RORA: variants seen among roughly 807,000 people sequenced by gnomAD.
RORA encodes RAR related orphan receptor A.
In RORA, 7 loss-of-function variants were observed where a neutral mutation model predicts 69.5. The observed-to-expected ratio is 0.10, with a 90% CI of 0.06 to 0.19. RORA has a LOEUF of 0.19. RORA is among the 10% of genes least tolerant of loss of function. The probability of loss-of-function intolerance (pLI) is 1.00; values close to 1 mark genes in which losing one functional copy is unlikely to be tolerated. For missense variants in RORA, 457 were observed against 663.0 expected, an observed-to-expected ratio of 0.69 and a Z score of 3.41; for synonymous variants, 261 against 240.8, an observed-to-expected ratio of 1.08 and a Z score of -0.78.
At chr15:60,725,323 T>A (rs2071343149) in intron 1 of RORA, among the ~76,000 whole-genome samples, 1 of 152,246 alleles carries the variant, frequency 6.6e-6, no homozygotes, top group African/African-American at 2.4e-5. Context: ...TTATTAATCA[T>A]GTGTAACTTA....
intron 1 of RORA, among the ~76,000 whole-genome samples, chr15:60,917,347 CT>C (rs1891906464): frequency 6.6e-6 from 1 of 152,148 alleles, no homozygotes; most frequent in Admixed American, 6.5e-5. Context: ...TTTAGTAGCC[CT>C]TTGGAATATA....
chr15:61,185,030 T>G (rs76214898), intron 1 of RORA, among the ~76,000 whole-genome samples: 2,666 of 144,480 alleles, frequency 0.018, 71 homozygotes, highest in African/African-American at 0.064. Context: ...GAAGAAGGAC[T>G]GTTACTTCTA....
intron 1 of RORA, among the ~76,000 whole-genome samples, chr15:60,763,096 T>TTTTTTTTTTTTTTTTTTTTTTTTA (rs375632043): frequency 2.7e-5 from 3 of 109,430 alleles, no homozygotes; most frequent in East Asian, 2.6e-4. Flanking sequence ...TTTTTTTTTT[T>TTTTTTTTTTTTTTTTTTTTTTTTA]AACCAACCTA....
intron 1 of RORA, among the ~76,000 whole-genome samples, chr15:61,037,890 T>G (rs73424325): frequency 0.013 from 1,956 of 152,270 alleles, 44 homozygotes; most frequent in African/African-American, 0.042. Context: ...AGAGCAGACA[T>G]AGCATGCCAT....
At chr15:61,136,644 A>G (rs186866423) in intron 1 of RORA, among the ~76,000 whole-genome samples, 35 of 152,304 alleles carry the variant, frequency 2.3e-4, no homozygotes, top group Admixed American at 9.8e-4. Flanking sequence ...CAGTCGAAAG[A>G]GCTGTCCTTC....
At chr15:60,620,373 C>A (rs1241626231) in intron 2 of RORA, among the ~76,000 whole-genome samples, 1 of 152,150 alleles carries the variant, frequency 6.6e-6, no homozygotes, top group East Asian at 1.9e-4. Context: ...AAATTGAAAT[C>A]ATAATAGAAC....
intron 1 of RORA, among the ~76,000 whole-genome samples, chr15:61,090,882 C>T (rs1010697379): frequency 1.3e-5 from 2 of 151,956 alleles, no homozygotes; most frequent in Non-Finnish European, 2.9e-5. Flanking sequence ...TTCACCACCT[C>T]GACACACGCA....
intron 2 of RORA, among the ~76,000 whole-genome samples, chr15:60,656,301 A>G (rs1004885999): frequency 6.6e-6 from 1 of 152,208 alleles, no homozygotes; most frequent in Non-Finnish European, 1.5e-5. Flanking sequence ...TGCAGCATGC[A>G]TATGTGTCTG....
intron 1 of RORA, among the ~76,000 whole-genome samples, chr15:61,047,849 TA>T (rs533904643): frequency 1.8e-4 from 27 of 152,316 alleles, no homozygotes; most frequent in African/African-American, 6.5e-4. Context: ...TCCCAGCTAT[TA>T]AAAGGGAGAT....
At chr15:61,185,961 C>A (rs750391313) in intron 1 of RORA, among the ~76,000 whole-genome samples, 1 of 152,156 alleles carries the variant, frequency 6.6e-6, no homozygotes, top group African/African-American at 2.4e-5. Flanking sequence ...ACATCCTTCA[C>A]CACCCAGCTC....
chr15:60,523,037 CA>C (rs1463114584), intron 3 of RORA, among the ~76,000 whole-genome samples: 3 of 80,240 alleles, frequency 3.7e-5, no homozygotes. Context: ...GACTCTGCCT[CA>C]AAAAAAAAAC....
chr15:60,808,702 T>G (rs2072695904), intron 1 of RORA, among the ~76,000 whole-genome samples: 1 of 149,204 alleles, frequency 6.7e-6, no homozygotes, highest in Non-Finnish European at 1.5e-5. Context: ...GTTATATATA[T>G]GTTTATAATA....
intron 1 of RORA, among the ~76,000 whole-genome samples, chr15:60,742,852 A>G (rs2071592094): frequency 6.6e-6 from 1 of 152,052 alleles, no homozygotes; most frequent in African/African-American, 2.4e-5. Context: ...TCCATTGTAT[A>G]TTGTGTATAT....
chr15:60,807,723 T>C (rs1051683272), intron 1 of RORA, among the ~76,000 whole-genome samples: 4 of 152,060 alleles, frequency 2.6e-5, no homozygotes, highest in African/African-American at 9.7e-5. Flanking sequence ...GGTATAAAAA[T>C]AGGCACATAG....
chr15:61,018,142 A>G lies in RORA; in HGVS notation c.166+210911T>C, dbSNP rs569680036. Among the ~76,000 whole-genome samples, 19 of 152,346 alleles carry G rather than the reference A, an allele frequency of 1.2e-4. No individual in the cohort carries two copies. In the South Asian group the frequency reaches 3.5e-3, roughly 28 times the overall value. On this transcript the variant is annotated intron_variant, in intron 1 of 10. Transcript: ENST00000335670. ...GTTAGCCCCTTATAATTTACTATGC[A>G]TAGTAGAAAAGTGATAAAATGGAAC...
chr15:60,538,678 G>A (rs900967006), intron 2 of RORA, among the ~76,000 whole-genome samples: 2 of 152,068 alleles, frequency 1.3e-5, no homozygotes, highest in Admixed American at 6.6e-5. Flanking sequence ...TGGAGAGGTC[G>A]CCTCTCTATG....
At chr15:60,919,860 A>C (rs922451129) in intron 1 of RORA, among the ~76,000 whole-genome samples, 9 of 152,220 alleles carry the variant, frequency 5.9e-5, no homozygotes, top group African/African-American at 2.2e-4. Flanking sequence ...TTTAGTATAA[A>C]ATTTCTGGAT....
At chr15:60,948,236 A>T (rs565045831) in intron 1 of RORA, among the ~76,000 whole-genome samples, 38 of 151,824 alleles carry the variant, frequency 2.5e-4, no homozygotes, top group African/African-American at 8.8e-4. Context: ...TTCCCAGGCA[A>T]ATATGACTGA....
chr15:60,660,906 C>T (rs1223238901), intron 2 of RORA, among the ~76,000 whole-genome samples: 1 of 152,134 alleles, frequency 6.6e-6, no homozygotes, highest in Non-Finnish European at 1.5e-5. Flanking sequence ...CTGCCTGCTG[C>T]ACATGCCCAC....
Sources: allele counts gnomAD v4.1 joint callset (sites outside exome capture counted in the v4.1 genomes callset), GRCh38; gene constraint gnomAD v4.1.1; transcripts MANE v1.5; gene names NCBI Gene and HGNC (gene_info 2026-07-23, HGNC 2026-07-21).